Variants in U2SURP observed in about 807,000 individuals in gnomAD.
The protein encoded by U2SURP is U2 snRNP associated SURP domain containing.
A neutral mutation model predicts 144.9 loss-of-function variants in U2SURP; 9 were observed. That is an observed-to-expected ratio of 0.06 (90% confidence interval 0.04 to 0.11). U2SURP has a LOEUF of 0.11. Ranked by LOEUF, U2SURP falls within the 10% of genes least tolerant of loss-of-function variation. The pLI is 1.00. For missense variants in U2SURP, 724 were observed against 1,226.7 expected (o/e 0.59, Z 6.12); for synonymous variants, 408 against 396.8 (o/e 1.03, Z -0.33).
chr3:143,019,200 T>C (rs1378160161), intron 6 of U2SURP, among the ~76,000 whole-genome samples: 1 of 152,226 alleles, frequency 6.6e-6, no homozygotes, highest in Non-Finnish European at 1.5e-5. Context: ...TTATCAGCTA[T>C]ATGATTTGGA....
chr3:143,037,079 A>T, intron 20 of U2SURP, 100 bp from the exon 21 acceptor site: 2 of 1,126,578 alleles, frequency 1.8e-6, no homozygotes, highest in Non-Finnish European at 2.5e-6. Flanking sequence ...GATTGTGGGT[A>T]TCCAGTTATG....
chr3:143,038,514 A>G (rs971317724), intron 22 of U2SURP, among the ~76,000 whole-genome samples: 9 of 152,046 alleles, frequency 5.9e-5, no homozygotes, highest in Admixed American at 3.3e-4. Context: ...GGTCAGTTTC[A>G]TAGAAACCAA....
intron 3 of U2SURP, 111 bp downstream of exon 3, chr3:143,012,464 T>C (rs1046794779): frequency 8.3e-6 from 9 of 1,079,230 alleles, no homozygotes; most frequent in Non-Finnish European, 9.8e-6. Context: ...TTTCATCTTA[T>C]TCTATTTGAA....
At chr3:143,013,924 A>G (rs1187565266) in intron 3 of U2SURP, among the ~76,000 whole-genome samples, 1 of 152,062 alleles carries the variant, frequency 6.6e-6, no homozygotes, top group Non-Finnish European at 1.5e-5. Flanking sequence ...GACCATGGAA[A>G]TGTTTGCCTC....
chr3:143,014,337 A>T lies in U2SURP; in HGVS notation c.249A>T (p.Ala83=). The T allele has an allele frequency of 6.2e-7, 1 of 1,608,592 alleles. No individual in the cohort carries two copies. The highest frequency in any genetic ancestry group is 8.5e-7 in the Non-Finnish European group (1 of 1,177,164). ...CTCTTCTGGAAAACAAACTTAAAGC[A>T]TTCAGTATTGGAAAAATGAGTACAG... The part of the protein sequence containing the change: ...SRPLLENKLK[A]FSIGKMSTAK... The change falls in exon 4 of 28, where the codon GCA becomes GCT. Residue 83 remains alanine, a synonymous_variant. Transcript: ENST00000473835.
intron 4 of U2SURP, among the ~76,000 whole-genome samples, chr3:143,015,020 A>G (rs920877835): frequency 2.6e-5 from 4 of 152,056 alleles, no homozygotes; most frequent in Admixed American, 2.6e-4. Flanking sequence ...TGAGTGATAA[A>G]TGCATAAATG....
chr3:143,042,699 T>C (rs895082119), intron 23 of U2SURP, among the ~76,000 whole-genome samples: 2 of 152,310 alleles, frequency 1.3e-5, no homozygotes, highest in Middle Eastern at 6.8e-3. Context: ...ATAGAATATT[T>C]GTGAATATTG....
chr3:143,048,461 A>G (rs1174233735), intron 24 of U2SURP, among the ~76,000 whole-genome samples: 2 of 152,164 alleles, frequency 1.3e-5, no homozygotes, highest in Non-Finnish European at 2.9e-5. Flanking sequence ...GAACTTAGCT[A>G]TTTATGTTGC....
At chr3:143,044,750 T>C (rs1934329931) in intron 24 of U2SURP, among the ~76,000 whole-genome samples, 1 of 152,186 alleles carries the variant, frequency 6.6e-6, no homozygotes, top group Non-Finnish European at 1.5e-5. Context: ...TTATGATACC[T>C]ATCACATTAG....
At chr3:143,004,576 C>A (rs1169084046) in intron 1 of U2SURP, among the ~76,000 whole-genome samples, 2 of 120,164 alleles carry the variant, frequency 1.7e-5, no homozygotes, top group African/African-American at 3.5e-5. Context: ...CCTTGTGACC[C>A]CCCCCCCCCG....
chr3:143,010,998 G>A (rs1210287226), intron 2 of U2SURP, 139 bp downstream of exon 2: 7 of 582,754 alleles, frequency 1.2e-5, no homozygotes, highest in Non-Finnish European at 1.6e-5. Context: ...TTTTCTAGGC[G>A]CCTTCCTTTT....
chr3:143,050,292 T>C (rs1401221026), intron 24 of U2SURP, among the ~76,000 whole-genome samples: 5 of 152,136 alleles, frequency 3.3e-5, no homozygotes, highest in African/African-American at 1.2e-4. Context: ...AGGCTGGTCT[T>C]GAACTCCTGA....
chr3:143,025,117 AAAT>A (rs75679163), intron 13 of U2SURP, among the ~76,000 whole-genome samples: 3,899 of 152,240 alleles, frequency 0.026, 81 homozygotes, highest in Non-Finnish European at 0.038. Flanking sequence ...TTTTGATTTT[AAAT>A]AATCATGAAA....
intron 24 of U2SURP, among the ~76,000 whole-genome samples, chr3:143,047,640 G>A (rs113302630): frequency 5.4e-5 from 1 of 18,452 alleles, no homozygotes; most frequent in African/African-American, 2.8e-4. Flanking sequence ...CCCCCCTCCC[G>A]CCTCCCGGAC....
intron 24 of U2SURP, among the ~76,000 whole-genome samples, chr3:143,046,266 CTTTTTT>C (rs1256140654): frequency 1.5e-5 from 1 of 67,216 alleles, no homozygotes; most frequent in African/African-American, 5.1e-5. Flanking sequence ...GAAGCCAGTT[CTTTTTT>C]TTTTTTTTTT....
In U2SURP at chr3:143,048,540, C is replaced by A. The variant is rs148089292; in HGVS notation, c.2545-2399C>A. Among the ~76,000 whole-genome samples, 584 of 152,060 alleles carry A rather than the reference C, an allele frequency of 3.8e-3. 2 individuals are homozygous for A. The East Asian group carries it at 0.039, about 10-fold the overall frequency. On this transcript the variant is annotated intron_variant, in intron 24 of 27. Transcript: ENST00000473835. The stretch of plus-strand genomic sequence containing the variant: ...TAAATGCAGTCATGATTAAAACACA[C>A]GAAAAATGTAGACTTTTAGAGAGCT...
intron 21 of U2SURP, among the ~76,000 whole-genome samples, chr3:143,037,866 C>A (rs1208303371): frequency 6.6e-6 from 1 of 152,112 alleles, no homozygotes; most frequent in Non-Finnish European, 1.5e-5. Context: ...TACTTCTCAA[C>A]TTCTTCACTT....
intron 12 of U2SURP, chr3:143,023,326 T>C: frequency 3.0e-6 from 1 of 336,102 alleles, no homozygotes; most frequent in Non-Finnish European, 5.4e-6. Context: ...TATCCAGATT[T>C]GCTTAAGTGT....
rs115431292 is a variant in U2SURP at position 143,011,610 on chromosome 3, A to T, written c.91-612A>T. ...GGCAGTGACACCAGAGTATACTTGT[A>T]GTCATTATATTCTTCCCCACCAGGC... On this transcript the variant is annotated intron_variant, in intron 2 of 27. Coordinates refer to ENST00000473835, the MANE Select transcript of U2SURP (RefSeq NM_001080415.2). Among the ~76,000 whole-genome samples, 904 of 152,260 alleles carry T rather than the reference A, an allele frequency of 5.9e-3. 8 individuals carry two copies. The highest frequency in any genetic ancestry group is 0.034 in the Middle Eastern group (10 of 294).
Sources: gnomAD v4.1 joint callset for allele counts (sites outside exome capture counted in the v4.1 genomes callset) on GRCh38, gnomAD v4.1.1 for gene constraint, MANE v1.5 for transcripts, NCBI Gene and HGNC (gene_info 2026-07-23, HGNC 2026-07-21) for gene names.